The following EBI3 variants were observed in gnomAD, a reference collection of about 807,000 sequenced individuals.
EBI3 encodes Epstein-Barr virus induced 3.
Under a neutral mutation model 21.3 loss-of-function variants are expected in EBI3, and 19 were observed. The observed-to-expected ratio is 0.89, with a 90% CI of 0.62 to 1.31. The LOEUF is 1.31. EBI3 is among the 50% of genes most tolerant of loss of function. The pLI, the probability that EBI3 is intolerant of heterozygous loss-of-function variation, is 0.00. For synonymous variants in EBI3, 154 were observed against 131.2 expected (o/e 1.17, Z -1.19); for missense variants, 331 against 314.0 (o/e 1.05, Z -0.41).
In EBI3 at chr19:4,234,803, G is replaced by A. The variant is rs1465996089; in HGVS notation, c.516G>A (p.Gln172=). ...AGTACTGGATCCGTTACAAGCGTCA[G>A]GGAGCTGCGCGCTTCCACCGGGTGA... is the stretch of plus-strand genomic sequence containing the variant. ...SLKYWIRYKR[Q]GAARFHRVGP... Residue 172 remains glutamine, a synonymous_variant, in exon 4 of 5, where the codon CAG becomes CAA. Transcript: ENST00000221847. 4.3e-6 allele frequency: 7 copies of A among 1,613,966 alleles called. No individual in the cohort carries two copies. In the Admixed American group the frequency reaches 6.7e-5, roughly 15 times the overall value.
chr19:4,229,974 T>A (rs1970768189), intron 1 of EBI3, among the ~76,000 whole-genome samples: 1 of 152,048 alleles, frequency 6.6e-6, no homozygotes, highest in Non-Finnish European at 1.5e-5. Flanking sequence ...CAGGCTGGAG[T>A]ACAGTGGCAC....
At position 4,237,005 on chromosome 19, in the gene EBI3, G is replaced by A. The variant is rs1184871529; in HGVS notation, c.607G>A (p.Val203Met). Residue 203 changes from valine (V) to methionine (M), a missense_variant, in exon 5 of 5, where the codon GTG becomes ATG. Transcript: ENST00000221847. ...GCCCCGAGCCAGGTACTACGTCCAA[G>A]TGGCGGCTCAGGACCTCACAGACTA... ...VRPRARYYVQ[V>M]AAQDLTDYGE... The A allele has an allele frequency of 6.3e-7, 1 of 1,582,990 alleles. No homozygotes were observed. The highest frequency in any genetic ancestry group is 1.4e-5 in the African/African-American group (1 of 72,972).
At chr19:4,234,626 G>A (rs1372484909) in intron 3 of EBI3, 41 bp from the exon 4 acceptor site, 1 of 1,587,036 alleles carries the variant, frequency 6.3e-7, no homozygotes, top group Non-Finnish European at 8.6e-7. Context: ...TGAATGACTG[G>A]ACTTACTGTC....
At chr19:4,230,536 C>T (rs1345809214) in intron 1 of EBI3, among the ~76,000 whole-genome samples, 2 of 151,972 alleles carry the variant, frequency 1.3e-5, no homozygotes, top group Admixed American at 1.3e-4. Context: ...TGTGCCACTG[C>T]ATTCCAGCCT....
Position 4,229,636 on chromosome 19 carries a change from G to A in EBI3, c.67+19G>A, listed in dbSNP as rs542206802. On this transcript the variant is annotated intron_variant, in intron 1 of 4. Transcript: ENST00000221847. ...AGGAAAGGTATGTGGGGCCCCTGGGGGACTGGGGGGCCCAGGCAGACGGAC... is the reference window on the plus strand; with the variant it reads ...AGGAAAGGTATGTGGGGCCCCTGGGAGACTGGGGGGCCCAGGCAGACGGAC... 1.9e-6 allele frequency: 3 copies of A among 1,596,710 alleles called. No individual in the cohort carries two copies. Among genetic ancestry groups the A allele is most frequent in the Admixed American group, 1.8e-5 (1 of 56,972 alleles).
chr19:4,234,238 G>C (rs373916076), intron 3 of EBI3, among the ~76,000 whole-genome samples: 9 of 152,050 alleles, frequency 5.9e-5, no homozygotes, highest in East Asian at 3.9e-4. Flanking sequence ...AAAAATTGCG[G>C]CCACTGCCAT....
chr19:4,233,140 C>T lies in EBI3; in HGVS notation c.212C>T (p.Ala71Val). Residue 71 changes from alanine (A) to valine (V), a missense_variant, in exon 3 of 5, where the codon GCT becomes GTT. Ala to Val is a moderately conservative substitution (Grantham distance 64). Coordinates refer to ENST00000221847, the MANE Select transcript of EBI3 (RefSeq NM_005755.3). ...CCCACCCTGTGCAGGCTCGGCATGG[C>T]TGCCCGGGGCCACAGCTGGCCCTGC... is the stretch of plus-strand genomic sequence containing the variant. ...SFIATYRLGM[A>V]ARGHSWPCLQ... 6.3e-7 allele frequency: 1 copy of T among 1,594,964 alleles called. No individual in the cohort carries two copies. The highest frequency in any genetic ancestry group is 8.5e-7 in the Non-Finnish European group (1 of 1,176,620).
chr19:4,233,244 G>A lies in EBI3; in HGVS notation c.316G>A (p.Val106Ile). The A allele has an allele frequency of 6.2e-7, 1 of 1,612,978 alleles. No individual in the cohort carries two copies. Among genetic ancestry groups the A allele is most frequent in the Non-Finnish European group, 8.5e-7 (1 of 1,179,820 alleles). Reference protein sequence around the residue: ...LFSMAPYVLNVTAVHPWGSSS... With the variant: ...LFSMAPYVLNITAVHPWGSSS... ...CTCCATGGCTCCCTACGTGCTCAAT[G>A]TCACCGCCGTCCACCCCTGGGGCTC... The change falls in exon 3 of 5, where the codon GTC becomes ATC. Residue 106 changes from valine to isoleucine, a missense_variant. Val to Ile is a conservative substitution (Grantham distance 29). Transcript: ENST00000221847.
At position 4,233,133 on chromosome 19, in the gene EBI3, G is replaced by T; in HGVS notation, c.205G>T (p.Gly69Cys). 6.3e-7 allele frequency: 1 copy of T among 1,591,330 alleles called. No individual in the cohort carries two copies. The highest frequency in any genetic ancestry group is 8.5e-7 in the Non-Finnish European group (1 of 1,175,234). Residue 69 changes from glycine (G) to cysteine (C), a missense_variant, in exon 3 of 5, where the codon GGC becomes TGC. Physicochemically the swap from Gly to Cys is radical, Grantham distance 159. Coordinates refer to ENST00000221847, the MANE Select transcript of EBI3 (RefSeq NM_005755.3). ...PVSFIATYRL[G>C]MAARGHSWPC... ...AGCGAGCCCCACCCTGTGCAGGCTC[G>T]GCATGGCTGCCCGGGGCCACAGCTG...
chr19:4,230,213 C>T (rs1406416917), intron 1 of EBI3, among the ~76,000 whole-genome samples: 6 of 152,094 alleles, frequency 3.9e-5, no homozygotes, highest in Admixed American at 6.6e-5. Context: ...TGTGAGCCAC[C>T]GCGCCCGGCC....
intron 2 of EBI3, among the ~76,000 whole-genome samples, chr19:4,232,241 AAAAAGAAAAG>A (rs1290574653): frequency 0.028 from 2,603 of 93,282 alleles, 151 homozygotes; most frequent in Middle Eastern, 0.096. Context: ...AAAAAAAAAA[AAAAAGAAAAG>A]AAAAGAAAAG....
chr19:4,233,446 C>G, intron 3 of EBI3, 139 bp downstream of exon 3: 1 of 991,580 alleles, frequency 1.0e-6, no homozygotes, highest in Non-Finnish European at 1.4e-6. Flanking sequence ...CTTCCCCCTC[C>G]TCTACCAGTA....
chr19:4,233,503 C>A (rs1970810422), intron 3 of EBI3, among the ~76,000 whole-genome samples, 196 bp downstream of exon 3: 1 of 152,122 alleles, frequency 6.6e-6, no homozygotes, highest in Non-Finnish European at 1.5e-5. Context: ...CCATCCTGAG[C>A]CCTGGCCTCC....
chr19:4,233,093 C>T, intron 2 of EBI3, 36 bp from the exon 3 acceptor site: 4 of 1,518,850 alleles, frequency 2.6e-6, no homozygotes, highest in Non-Finnish European at 3.5e-6. Context: ...GCCACAGGCA[C>T]TCCCTGAGGC....
rs757589652 is a variant in EBI3, at chr19:4,234,787, T to A, written c.500T>A (p.Ile167Asn). The change falls in exon 4 of 5, where the codon ATC becomes AAC. Residue 167 changes from isoleucine (I) to asparagine (N), a missense_variant. By Grantham distance (149) the Ile-to-Asn change is moderately radical. Transcript: ENST00000221847. The part of the protein sequence containing the change: ...FPEIFSLKYW[I>N]RYKRQGAARF... ...GAGATCTTCTCACTGAAGTACTGGA[T>A]CCGTTACAAGCGTCAGGGAGCTGCG... 6.1e-5 allele frequency: 99 copies of A among 1,613,998 alleles called. No individual in the cohort carries two copies. Among genetic ancestry groups the A allele is most frequent in the Non-Finnish European group, 8.1e-5 (96 of 1,180,012 alleles).
intron 1 of EBI3, among the ~76,000 whole-genome samples, chr19:4,230,034 C>T (rs1970768673): frequency 6.6e-6 from 1 of 152,094 alleles, no homozygotes; most frequent in Non-Finnish European, 1.5e-5. Flanking sequence ...CGAGATTCTC[C>T]TCCCTCAGCC....
chr19:4,233,433 C>G, intron 3 of EBI3, 126 bp downstream of exon 3: 1 of 1,083,716 alleles, frequency 9.2e-7, no homozygotes, highest in Non-Finnish European at 1.3e-6. Context: ...AATCTGACCC[C>G]TTCTTCCCCC....
At chr19:4,231,426 A>T in intron 2 of EBI3, 103 bp downstream of exon 2, 1 of 1,401,216 alleles carries the variant, frequency 7.1e-7, no homozygotes, top group Admixed American at 3.0e-5. Context: ...AGACCCCGAC[A>T]TCCTGAACCC....
intron 3 of EBI3, among the ~76,000 whole-genome samples, chr19:4,233,774 G>A (rs1599488354): frequency 6.6e-6 from 1 of 152,174 alleles, no homozygotes; most frequent in Admixed American, 6.5e-5. Flanking sequence ...TTCTGCCCCA[G>A]GGCCTTTGCA....
Sources: gnomAD v4.1 joint callset for allele counts (sites outside exome capture counted in the v4.1 genomes callset) on GRCh38, gnomAD v4.1.1 for gene constraint, MANE v1.5 for transcripts, NCBI Gene and HGNC (gene_info 2026-07-23, HGNC 2026-07-21) for gene names.